Variants in NCAPH observed in about 807,000 individuals in gnomAD.
NCAPH encodes condensin complex subunit 2.
A neutral mutation model predicts 85.5 loss-of-function variants in NCAPH; 38 were observed. The ratio of observed to expected loss-of-function variants is 0.44; its 90% CI spans 0.34 to 0.58. The LOEUF (loss-of-function observed/expected upper bound fraction) is 0.58, where lower values mean the gene tolerates loss of function less well. Among genes scored for constraint, NCAPH ranks in the 20% least tolerant of loss-of-function variants. The pLI is 0.01. For synonymous variants in NCAPH, 301 were observed against 335.1 expected, an observed-to-expected ratio of 0.90 and a Z score of 1.11; for missense variants, 789 against 916.6, an observed-to-expected ratio of 0.86 and a Z score of 1.80.
chr2:96,346,460 GC>G (rs1482439676), intron 6 of NCAPH, among the ~76,000 whole-genome samples: 2 of 152,156 alleles, frequency 1.3e-5, no homozygotes, highest in Non-Finnish European at 2.9e-5. Flanking sequence ...CATGGAGTAG[GC>G]AGAAAGTTGG....
chr2:96,354,627 T>G lies in NCAPH; in HGVS notation c.1208+239T>G, dbSNP rs530332595. Among the ~76,000 whole-genome samples the G allele has an allele frequency of 7.2e-5, 11 of 152,286 alleles. 1 individual carries two copies. The South Asian group carries it at 2.3e-3, about 32-fold the overall frequency. ...GGTGTGAGCCACCATGCCTGGGCACTATCAGTTCTTAACAGATTTCCTGCT... is the reference window on the plus strand; with the variant it reads ...GGTGTGAGCCACCATGCCTGGGCACGATCAGTTCTTAACAGATTTCCTGCT... On this transcript the variant is annotated intron_variant, in intron 9 of 17. Transcript: ENST00000240423.
chr2:96,361,520 T>C lies in NCAPH; in HGVS notation c.1587+810T>C, dbSNP rs551400150. Among the ~76,000 whole-genome samples, 12 of 151,980 alleles carry C rather than the reference T, an allele frequency of 7.9e-5. No homozygotes were observed. In the South Asian group the frequency reaches 2.5e-3, roughly 32 times the overall value. On this transcript the variant is annotated intron_variant, in intron 12 of 17. Coordinates refer to ENST00000240423, the MANE Select transcript of NCAPH (RefSeq NM_015341.5). ...GCTGCTGGGGCTCCTTCTGAGATTG[T>C]CACATGGAGCCTTCTGAATTACCTG...
chr2:96,354,482 C>CT (rs1229490173), intron 9 of NCAPH, 94 bp downstream of exon 9: 347 of 1,097,588 alleles, frequency 3.2e-4, no homozygotes, highest in South Asian at 7.8e-4. Flanking sequence ...ATTTTTCTTT[C>CT]TTTTTTTTTC....
rs886067640 is a variant in NCAPH at position 96,352,758 on chromosome 2, C to A, written c.911-548C>A. On this transcript the variant is annotated intron_variant, in intron 7 of 17. Transcript: ENST00000240423. ...ATGAAATTAATACTTCCCCTCCAGG[C>A]TGGGCAGTTGTTAGCTCCCATTCTT... 2.6e-5 allele frequency among the ~76,000 whole-genome samples: 4 copies of A among 152,322 alleles called. No individual in the cohort carries two copies. In the South Asian group the frequency reaches 6.2e-4, roughly 24 times the overall value.
chr2:96,347,332 T>C (rs1368962654), intron 6 of NCAPH, among the ~76,000 whole-genome samples: 1 of 151,882 alleles, frequency 6.6e-6, no homozygotes, highest in Non-Finnish European at 1.5e-5. Context: ...AGACATTTTG[T>C]GCCTACTCCT....
intron 3 of NCAPH, 107 bp downstream of exon 3, chr2:96,342,247 G>C: frequency 1.9e-6 from 2 of 1,078,220 alleles, no homozygotes; most frequent in Non-Finnish European, 2.8e-6. Flanking sequence ...ATAATTCTCT[G>C]GTGAGTCATC....
In NCAPH at chr2:96,338,651, A is replaced by G. The variant is rs559211403; in HGVS notation, c.19+2803A>G. Among the ~76,000 whole-genome samples the G allele has an allele frequency of 1.2e-4, 18 of 152,360 alleles. No homozygotes were observed. In the South Asian group the frequency reaches 3.5e-3, roughly 30 times the overall value. On this transcript the variant is annotated intron_variant, in intron 1 of 17. Coordinates refer to ENST00000240423, the MANE Select transcript of NCAPH (RefSeq NM_015341.5). ...GTAGAGTGAGAGCAGATGTGATGAC[A>G]GAACAAGAGGTTAGAGTGATGGGGG...
chr2:96,338,931 C>G (rs989761828), intron 1 of NCAPH, among the ~76,000 whole-genome samples: 1 of 152,180 alleles, frequency 6.6e-6, no homozygotes, highest in Non-Finnish European at 1.5e-5. Context: ...CTGTCTCAGC[C>G]TCCCAAGTAG....
At position 96,374,936 on chromosome 2, in the gene NCAPH, A is replaced by G. The variant is rs549213919; in HGVS notation, c.*1585A>G. On this transcript the variant is annotated 3_prime_UTR_variant, in exon 18 of 18. Transcript: ENST00000240423. Reference sequence around the variant, plus strand: ...AACTAGAAAGATTGGGACCAAGTGCAGTGGCCCACACCTGTAAATCCTAGC... The same window carrying G: ...AACTAGAAAGATTGGGACCAAGTGCGGTGGCCCACACCTGTAAATCCTAGC... 6.6e-6 allele frequency among the ~76,000 whole-genome samples: 1 copy of G among 152,278 alleles called. No individual in the cohort carries two copies. Among genetic ancestry groups the G allele is most frequent in the East Asian group, 1.9e-4 (1 of 5,190 alleles).
intron 17 of NCAPH, among the ~76,000 whole-genome samples, chr2:96,370,320 C>T (rs1000333455): frequency 2.0e-5 from 3 of 152,212 alleles, no homozygotes; most frequent in African/African-American, 7.2e-5. Context: ...GTCAACTCCC[C>T]AGGAGGAGGG....
chr2:96,337,515 G>C (rs1249672101), intron 1 of NCAPH, among the ~76,000 whole-genome samples: 1 of 152,172 alleles, frequency 6.6e-6, no homozygotes, highest in East Asian at 1.9e-4. Context: ...CGCCTCCTGG[G>C]TTCACGCTAT....
chr2:96,367,877 G>A (rs2064721431), intron 15 of NCAPH, among the ~76,000 whole-genome samples: 1 of 152,192 alleles, frequency 6.6e-6, no homozygotes, highest in Non-Finnish European at 1.5e-5. Flanking sequence ...TTACTGAGGA[G>A]GAAAATTTGG....
chr2:96,366,465 C>T (rs1460882932), intron 14 of NCAPH, among the ~76,000 whole-genome samples: 2 of 152,210 alleles, frequency 1.3e-5, no homozygotes, highest in African/African-American at 4.8e-5. Flanking sequence ...AGGCTTTATG[C>T]TTGCCTTTAT....
intron 1 of NCAPH, 174 bp from the exon 2 acceptor site, chr2:96,341,468 C>G (rs1573063328): frequency 1.3e-6 from 1 of 764,632 alleles, no homozygotes; most frequent in Non-Finnish European, 2.1e-6. Context: ...ATGGCCTCCC[C>G]CCTGCACCTC....
Position 96,367,309 on chromosome 2 carries a change from A to G in NCAPH, c.1934A>G (p.Lys645Arg). The change falls in exon 15 of 18, where the codon AAG (lysine) becomes AGG (arginine). Residue 645 changes from lysine to arginine, a missense_variant. Physicochemically the swap from Lys to Arg is conservative, Grantham distance 26 (BLOSUM62 2). Coordinates refer to ENST00000240423, the MANE Select transcript of NCAPH (RefSeq NM_015341.5). ...AAGACTGCCAAAAAGATGGACATGA[A>G]GAAACTGAAGCAGAGCATGTGGAGT... ...YAKTAKKMDM[K>R]KLKQSMWSLL... The G allele has an allele frequency of 1.7e-5, 28 of 1,613,764 alleles. No individual in the cohort carries two copies. Among genetic ancestry groups the G allele is most frequent in the Non-Finnish European group, 2.3e-5 (27 of 1,179,732 alleles).
At chr2:96,349,957 G>A (rs1041593087) in intron 6 of NCAPH, among the ~76,000 whole-genome samples, 1 of 152,222 alleles carries the variant, frequency 6.6e-6, no homozygotes, top group African/African-American at 2.4e-5. Flanking sequence ...AGGAAGGCTA[G>A]GTGTCTTGTC....
chr2:96,341,963 C>G (rs2064301997), intron 2 of NCAPH, 69 bp downstream of exon 2: 2 of 1,603,970 alleles, frequency 1.2e-6, no homozygotes, highest in Admixed American at 3.4e-5. Flanking sequence ...GTCCAGGCAT[C>G]TCCACAAAAC....
In NCAPH at chr2:96,349,338, C is replaced by G. The variant is rs546375426; in HGVS notation, c.721-2493C>G. On this transcript the variant is annotated intron_variant, in intron 6 of 17. Transcript: ENST00000240423. ...GATAAAAAAGAGGGATGGATTGTCA[C>G]AAACAGAATTTAAAGCTTCAACTGT... 2.0e-5 allele frequency among the ~76,000 whole-genome samples: 3 copies of G among 151,990 alleles called. No individual in the cohort carries two copies. In the East Asian group the frequency reaches 5.8e-4, roughly 29 times the overall value.
chr2:96,336,569 G>A (rs537874403), intron 1 of NCAPH, among the ~76,000 whole-genome samples: 4 of 152,344 alleles, frequency 2.6e-5, no homozygotes, highest in East Asian at 3.9e-4. Flanking sequence ...GGCCTGACAC[G>A]TAGGCAGGGT....
Sources: gnomAD v4.1 joint callset for allele counts (sites outside exome capture counted in the v4.1 genomes callset) on GRCh38, gnomAD v4.1.1 for gene constraint, MANE v1.5 for transcripts, NCBI Gene and HGNC (gene_info 2026-07-23, HGNC 2026-07-21) for gene names.